SAMMSON: variants seen among roughly 807,000 people sequenced by gnomAD.
The protein encoded by SAMMSON is survival associated mitochondrial melanoma specific oncogenic non-coding RNA.
intron 2 of SAMMSON, among the ~76,000 whole-genome samples, chr3:70,404,063 G>T (rs1701161444): frequency 6.6e-6 from 1 of 152,032 alleles, no homozygotes; most frequent in South Asian, 2.1e-4. Flanking sequence ...TCTTTAAAAT[G>T]TGTTGTGAAT....
chr3:70,102,990 C>T (rs2106655486), intron 4 of SAMMSON, among the ~76,000 whole-genome samples: 1 of 152,210 alleles, frequency 6.6e-6, no homozygotes, highest in South Asian at 2.1e-4. Context: ...AACCATTTTT[C>T]TACTTCAGGG....
At chr3:70,408,038 G>A (rs572979295) in intron 2 of SAMMSON, among the ~76,000 whole-genome samples, 41 of 152,312 alleles carry the variant, frequency 2.7e-4, no homozygotes, top group Non-Finnish European at 3.8e-4. Flanking sequence ...AACGCTTGAG[G>A]CTTGCACCCT....
intron 9 of SAMMSON, among the ~76,000 whole-genome samples, chr3:70,373,356 TC>T (rs533368931): frequency 1.3e-3 from 194 of 152,270 alleles, no homozygotes; most frequent in Non-Finnish European, 1.9e-3. Context: ...CATTTGTTTT[TC>T]CCCATAGGAA....
At chr3:70,125,394 C>T in intron 4 of SAMMSON, 1 of 1,411,020 alleles carries the variant, frequency 7.1e-7, no homozygotes, top group Non-Finnish European at 9.8e-7. Flanking sequence ...CTTCTGAAAA[C>T]TGAAAGTGTT....
intron 4 of SAMMSON, among the ~76,000 whole-genome samples, chr3:70,224,423 G>T (rs1345143978): frequency 1.3e-5 from 2 of 152,194 alleles, no homozygotes; most frequent in Non-Finnish European, 2.9e-5. Context: ...CTTTGGATGG[G>T]CTCCAGATGT....
intron 2 of SAMMSON, among the ~76,000 whole-genome samples, chr3:70,401,296 A>G (rs1324171618): frequency 6.6e-6 from 1 of 152,188 alleles, no homozygotes; most frequent in Non-Finnish European, 1.5e-5. Flanking sequence ...CTCCTTTTGT[A>G]GATTAGCCAA....
At chr3:70,028,201 TTC>T (rs375576398) in intron 3 of SAMMSON, among the ~76,000 whole-genome samples, 13 of 150,132 alleles carry the variant, frequency 8.7e-5, no homozygotes, top group South Asian at 6.4e-4. Context: ...CTTTCTTTCT[TTC>T]TCTCTTTCTT....
intron 7 of SAMMSON, among the ~76,000 whole-genome samples, chr3:70,333,176 C>T (rs747822130): frequency 2.6e-5 from 4 of 152,114 alleles, no homozygotes; most frequent in African/African-American, 7.2e-5. Flanking sequence ...ATTCCCCACT[C>T]GTTCTTCCTT....
chr3:70,104,677 C>G (rs1246792122), intron 4 of SAMMSON, among the ~76,000 whole-genome samples: 2 of 152,092 alleles, frequency 1.3e-5, no homozygotes, highest in African/African-American at 4.8e-5. Flanking sequence ...GCAAAACTGT[C>G]ATAAGTTTTT....
At chr3:70,296,819 C>A (rs1702293683) in intron 7 of SAMMSON, among the ~76,000 whole-genome samples, 1 of 152,092 alleles carries the variant, frequency 6.6e-6, no homozygotes, top group African/African-American at 2.4e-5. Context: ...CACACTGTAG[C>A]TGGAGTGGTT....
At chr3:70,423,305 C>A (rs1009166875) in intron 2 of SAMMSON, among the ~76,000 whole-genome samples, 6 of 152,040 alleles carry the variant, frequency 3.9e-5, no homozygotes, top group Non-Finnish European at 8.8e-5. Flanking sequence ...AATGTGTTTC[C>A]TTTTAAATCA....
At chr3:70,174,536 C>A (rs1421042592) in intron 4 of SAMMSON, among the ~76,000 whole-genome samples, 1 of 151,744 alleles carries the variant, frequency 6.6e-6, no homozygotes, top group Non-Finnish European at 1.5e-5. Context: ...TTTAGTAGCC[C>A]TAGATTTAGG....
At chr3:70,164,419 G>T (rs2067628474) in intron 4 of SAMMSON, among the ~76,000 whole-genome samples, 1 of 151,996 alleles carries the variant, frequency 6.6e-6, no homozygotes, top group African/African-American at 2.4e-5. Flanking sequence ...TTCAAAAAAA[G>T]ATCTGTTTTC....
intron 6 of SAMMSON, among the ~76,000 whole-genome samples, chr3:70,269,014 A>C (rs1437879734): frequency 2.0e-5 from 3 of 152,128 alleles, no homozygotes; most frequent in African/African-American, 7.2e-5. Flanking sequence ...TAAAAAAAGA[A>C]ATAGAAAAGA....
chr3:70,001,254 T>C (rs891226472), intron 1 of SAMMSON, among the ~76,000 whole-genome samples: 1 of 152,144 alleles, frequency 6.6e-6, no homozygotes, highest in African/African-American at 2.4e-5. Flanking sequence ...AAACGAAAAG[T>C]AAGTCTGTCT....
intron 3 of SAMMSON, among the ~76,000 whole-genome samples, chr3:70,036,990 T>G (rs992453459): frequency 3.9e-5 from 6 of 152,088 alleles, no homozygotes. Context: ...GGATGATGAT[T>G]AATAGAATGT....
At chr3:70,276,267 A>T (rs1367678132) in intron 6 of SAMMSON, among the ~76,000 whole-genome samples, 2 of 152,198 alleles carry the variant, frequency 1.3e-5, no homozygotes, top group Non-Finnish European at 2.9e-5. Context: ...TTTTAAAAGC[A>T]TAAATATTAT....
At chr3:70,338,664 G>A (rs928203222) in intron 7 of SAMMSON, among the ~76,000 whole-genome samples, 8 of 152,042 alleles carry the variant, frequency 5.3e-5, no homozygotes, top group African/African-American at 1.9e-4. Context: ...GCTTCAAAGG[G>A]AATAAAATAC....
At chr3:70,197,038 CG>C in intron 4 of SAMMSON, 1 of 398,538 alleles carries the variant, frequency 2.5e-6, no homozygotes, top group Admixed American at 4.4e-5. Context: ...GCAATCATTC[CG>C]AGAGTGGTTT....
Sources: gnomAD v4.1 joint callset for allele counts (sites outside exome capture counted in the v4.1 genomes callset) on GRCh38, gnomAD v4.1.1 for gene constraint, MANE v1.5 for transcripts, NCBI Gene and HGNC (gene_info 2026-07-23, HGNC 2026-07-21) for gene names.